PRKCE: variants seen among roughly 807,000 people sequenced by gnomAD.
The protein encoded by PRKCE is protein kinase C epsilon type.
Under a neutral mutation model 85.4 loss-of-function variants are expected in PRKCE, and 16 were observed. The observed-to-expected ratio is 0.19, with a 90% CI of 0.13 to 0.28. PRKCE has a LOEUF of 0.28. Among genes scored for constraint, PRKCE ranks in the 10% least tolerant of loss-of-function variants. The pLI, the probability that PRKCE is intolerant of heterozygous loss-of-function variation, is 1.00. For missense variants in PRKCE, 573 were observed against 975.2 expected (o/e 0.59, Z 5.49); for synonymous variants, 388 against 371.5 (o/e 1.04, Z -0.51).
intron 2 of PRKCE, among the ~76,000 whole-genome samples, chr2:45,942,206 A>G (rs898433437): frequency 6.6e-6 from 1 of 152,230 alleles, no homozygotes; most frequent in Non-Finnish European, 1.5e-5. Context: ...TCTACCTGTT[A>G]CATGTTGACA....
chr2:45,690,009 A>G (rs1181291336), intron 1 of PRKCE, among the ~76,000 whole-genome samples: 1 of 152,102 alleles, frequency 6.6e-6, no homozygotes, highest in African/African-American at 2.4e-5. Context: ...TGTGCATTCT[A>G]TAAACTTATG....
intron 1 of PRKCE, among the ~76,000 whole-genome samples, chr2:45,801,683 C>T (rs1196481621): frequency 6.6e-6 from 1 of 152,074 alleles, no homozygotes; most frequent in Non-Finnish European, 1.5e-5. Context: ...CTGAGGAAGG[C>T]CGTTGGGCAG....
At chr2:46,133,907 A>T (rs143630218) in intron 11 of PRKCE, among the ~76,000 whole-genome samples, 2 of 152,264 alleles carry the variant, frequency 1.3e-5, no homozygotes, top group Admixed American at 1.3e-4. Context: ...GGTGGTAGTG[A>T]GGGGCTGCTT....
chr2:45,969,919 GTTGTA>G (rs1156751596), intron 2 of PRKCE, among the ~76,000 whole-genome samples: 1 of 152,112 alleles, frequency 6.6e-6, no homozygotes, highest in African/African-American at 2.4e-5. Context: ...AGTTGCTGTC[GTTGTA>G]ATGTGATTCA....
intron 1 of PRKCE, among the ~76,000 whole-genome samples, chr2:45,738,773 T>A (rs1254518616): frequency 1.3e-5 from 2 of 152,230 alleles, no homozygotes; most frequent in African/African-American, 4.8e-5. Context: ...CATTAAGATA[T>A]GACAGCTCTT....
At chr2:46,025,585 G>A (rs996374823) in intron 10 of PRKCE, among the ~76,000 whole-genome samples, 4 of 152,134 alleles carry the variant, frequency 2.6e-5, no homozygotes, top group Non-Finnish European at 4.4e-5. Flanking sequence ...TGCCCCTTCC[G>A]GGTCACATAC....
intron 1 of PRKCE, among the ~76,000 whole-genome samples, chr2:45,833,140 A>C (rs1690573598): frequency 6.9e-5 from 2 of 29,136 alleles, no homozygotes; most frequent in South Asian, 1.7e-3. Flanking sequence ...CAACATGGCA[A>C]AAAAAAAAAA....
At chr2:45,823,104 A>C (rs1285138794) in intron 1 of PRKCE, among the ~76,000 whole-genome samples, 1 of 152,228 alleles carries the variant, frequency 6.6e-6, no homozygotes, top group Non-Finnish European at 1.5e-5. Flanking sequence ...CTGGGCTCCT[A>C]CTGAAGTTGT....
intron 2 of PRKCE, among the ~76,000 whole-genome samples, chr2:45,916,632 A>G (rs1697802276): frequency 6.6e-6 from 1 of 152,250 alleles, no homozygotes; most frequent in East Asian, 1.9e-4. Flanking sequence ...GTATTTCTTT[A>G]GCCAATCGGG....
At position 45,977,270 on chromosome 2, in the gene PRKCE, T is replaced by C. The variant is rs553305973; in HGVS notation, c.572+682T>C. On this transcript the variant is annotated intron_variant, in intron 3 of 14. Transcript: ENST00000306156. ...GGGTGAGGATTCCACTGAATAATAA[T>C]CCACTGAAAAATAATTCACTGAATT... 3.9e-5 allele frequency among the ~76,000 whole-genome samples: 6 copies of C among 152,242 alleles called. No homozygotes were observed. The East Asian group carries it at 1.2e-3, about 29-fold the overall frequency.
At chr2:45,866,328 G>A (rs894396441) in intron 2 of PRKCE, among the ~76,000 whole-genome samples, 5 of 151,936 alleles carry the variant, frequency 3.3e-5, no homozygotes, top group Non-Finnish European at 7.4e-5. Flanking sequence ...TTTATTTTGA[G>A]ATGGAATCTC....
intron 1 of PRKCE, among the ~76,000 whole-genome samples, chr2:45,725,046 T>C (rs1450000306): frequency 6.6e-6 from 1 of 152,242 alleles, no homozygotes; most frequent in Non-Finnish European, 1.5e-5. Context: ...GAGAAATCAA[T>C]ACCTGGCTTC....
At chr2:46,161,237 G>A (rs1165620807) in intron 14 of PRKCE, among the ~76,000 whole-genome samples, 1 of 152,216 alleles carries the variant, frequency 6.6e-6, no homozygotes, top group Non-Finnish European at 1.5e-5. Flanking sequence ...TTTAAGGAAA[G>A]GATTAACTGT....
chr2:46,074,694 G>A (rs1668396272), intron 10 of PRKCE, among the ~76,000 whole-genome samples: 1 of 152,230 alleles, frequency 6.6e-6, no homozygotes, highest in African/African-American at 2.4e-5. Flanking sequence ...CACGAGGGCT[G>A]CGTAGGTTCT....
chr2:45,807,612 A>G (rs984231299), intron 1 of PRKCE, among the ~76,000 whole-genome samples: 1 of 152,232 alleles, frequency 6.6e-6, no homozygotes, highest in Non-Finnish European at 1.5e-5. Context: ...TAGTCGAGGC[A>G]AGGTCTCCCA....
In PRKCE at chr2:45,697,606, G is replaced by A. The variant is rs370164338; in HGVS notation, c.348+45158G>A. Among the ~76,000 whole-genome samples the A allele has an allele frequency of 6.6e-6, 1 of 151,946 alleles. No homozygotes were observed. Among genetic ancestry groups the A allele is most frequent in the African/African-American group, 2.4e-5 (1 of 41,336 alleles). On this transcript the variant is annotated intron_variant, in intron 1 of 14. Coordinates refer to ENST00000306156, the MANE Select transcript of PRKCE (RefSeq NM_005400.3). The surrounding 1 kb of genome is among the most constrained non-coding windows in gnomAD (Gnocchi z 4.2). Reference sequence around the variant, plus strand: ...CATCTCTAGCTCTTTCTTTTGTTCCGGCTCTGATTACCTCCCTCCCTAGGT... The same window carrying A: ...CATCTCTAGCTCTTTCTTTTGTTCCAGCTCTGATTACCTCCCTCCCTAGGT...
At chr2:45,729,275 G>A (rs1681354961) in intron 1 of PRKCE, among the ~76,000 whole-genome samples, 1 of 152,186 alleles carries the variant, frequency 6.6e-6, no homozygotes, top group Admixed American at 6.5e-5. Flanking sequence ...TGGCTTATGG[G>A]AGACTGAGCA....
intron 1 of PRKCE, among the ~76,000 whole-genome samples, chr2:45,761,352 C>T (rs1379800762): frequency 2.5e-5 from 3 of 119,504 alleles, no homozygotes; most frequent in Non-Finnish European, 5.5e-5. Flanking sequence ...AAAAAAAAAT[C>T]TAAGTACAGA....
At chr2:45,756,365 T>C (rs985710957) in intron 1 of PRKCE, among the ~76,000 whole-genome samples, 3 of 152,134 alleles carry the variant, frequency 2.0e-5, no homozygotes, top group Non-Finnish European at 2.9e-5. Context: ...TTAGAGAGGA[T>C]GGGAAAGTAC....
Sources: allele counts gnomAD v4.1 joint callset (sites outside exome capture counted in the v4.1 genomes callset), GRCh38; gene constraint gnomAD v4.1.1; non-coding constraint Gnocchi (gnomAD v3.1); transcripts MANE v1.5; gene names NCBI Gene and HGNC (gene_info 2026-07-23, HGNC 2026-07-21).